The following BTN3A3 variants were observed in gnomAD, a reference collection of about 807,000 sequenced individuals.
BTN3A3 encodes the protein butyrophilin 3.
Under a neutral mutation model 43.2 loss-of-function variants are expected in BTN3A3, and 39 were observed. The observed-to-expected ratio is 0.90, with a 90% CI of 0.70 to 1.18. BTN3A3 has a LOEUF of 1.18. Among genes scored for constraint, BTN3A3 ranks in the 50% most tolerant of loss-of-function variants. BTN3A3 has a pLI of 0.00. For synonymous variants in BTN3A3, 255 were observed against 272.7 expected, an observed-to-expected ratio of 0.93 and a Z score of 0.64; for missense variants, 631 against 722.8, an observed-to-expected ratio of 0.87 and a Z score of 1.46.
In BTN3A3 at chr6:26,450,117, G is replaced by A; in HGVS notation, c.1002G>A (p.Met334Ile). 6.2e-7 allele frequency: 1 copy of A among 1,613,724 alleles called. No homozygotes were observed. Among genetic ancestry groups the A allele is most frequent in the East Asian group, 2.2e-5 (1 of 44,884 alleles). ...EKSLAYHEWK[M>I]ALFKPADVIL... Reference sequence around the variant, plus strand: ...TCTCCTTCCTTTCAGAATGGAAAATGGCCCTCTTCAAACCTGGTGAGTAAA... The same window carrying A: ...TCTCCTTCCTTTCAGAATGGAAAATAGCCCTCTTCAAACCTGGTGAGTAAA... Residue 334 changes from methionine (M) to isoleucine (I), a missense_variant, in exon 10 of 11, where the codon ATG becomes ATA. Physicochemically the swap from Met to Ile is conservative, Grantham distance 10. This residue lies in a region of BTN3A3 where 551 missense variants were observed against 584.0 expected (regional missense o/e 0.94). Transcript: ENST00000244519.
At position 26,452,104 on chromosome 6, in the gene BTN3A3, T is replaced by G; in HGVS notation, c.1448T>G (p.Ile483Ser). 1 of 1,614,166 alleles carries G rather than the reference T, an allele frequency of 6.2e-7. No individual in the cohort carries two copies. The highest frequency in any genetic ancestry group is 8.5e-7 in the Non-Finnish European group (1 of 1,180,038). Residue 483 changes from isoleucine to serine, a missense_variant, in exon 11 of 11, where the codon ATC becomes AGC. Physicochemically the swap from Ile to Ser is moderately radical, Grantham distance 142. Around this residue, in one of 2 missense-constraint regions of BTN3A3, gnomAD observed 551 missense variants for 584.0 expected, o/e 0.94. Transcript: ENST00000244519. ...SFYNATDGSH[I>S]YTFPHASFSE... is the part of the protein sequence containing the mutation. The stretch of plus-strand genomic sequence containing the variant: ...TATAATGCCACAGATGGATCTCATA[T>G]CTACACCTTTCCGCACGCCTCTTTC...
intron 8 of BTN3A3, 104 bp from the exon 9 acceptor site, chr6:26,449,558 G>T (rs1202549466): frequency 3.2e-6 from 4 of 1,235,098 alleles, no homozygotes; most frequent in Non-Finnish European, 4.7e-6. Flanking sequence ...AGGGAAGAGT[G>T]GAATGGTCAA....
At chr6:26,448,821 T>A (rs1210408638) in intron 8 of BTN3A3, 67 bp downstream of exon 8, 19 of 1,595,252 alleles carry the variant, frequency 1.2e-5, no homozygotes, top group Non-Finnish European at 1.6e-5. Context: ...GCTTGGAAAT[T>A]TTCCAGCCCA....
chr6:26,440,816 G>GCACA (rs1377321562), intron 1 of BTN3A3, 168 bp downstream of exon 1: 1 of 130,218 alleles, frequency 7.7e-6, no homozygotes, highest in African/African-American at 3.4e-5. Context: ...GTGTGTGTGT[G>GCACA]CGTGTGTGCG....
intron 1 of BTN3A3, among the ~76,000 whole-genome samples, chr6:26,440,940 G>A (rs1033395439): frequency 7.2e-5 from 11 of 152,178 alleles, no homozygotes; most frequent in Admixed American, 2.6e-4. Context: ...CATAAATGAA[G>A]AAATATTCCA....
intron 10 of BTN3A3, among the ~76,000 whole-genome samples, chr6:26,450,569 T>C (rs897955247): frequency 6.6e-6 from 1 of 152,198 alleles, no homozygotes; most frequent in Non-Finnish European, 1.5e-5. Context: ...CATTTTTAAA[T>C]GAAAATTGCA....
chr6:26,451,935 C>A lies in BTN3A3; in HGVS notation c.1279C>A (p.Pro427Thr), dbSNP rs113551647. The change falls in exon 11 of 11, where the codon CCG becomes ACG. Residue 427 changes from proline (P) to threonine (T), a missense_variant. Coordinates refer to ENST00000244519, the MANE Select transcript of BTN3A3 (RefSeq NM_006994.5). The part of the protein sequence containing the change: ...ERKKGWVKMT[P>T]ENGYWTMGLT... ...GAAAAAAGGTTGGGTCAAAATGACA[C>A]CGGAGAACGGATACTGGACTATGGG... 5.6e-5 allele frequency: 91 copies of A among 1,614,010 alleles called. No homozygotes were observed. In the African/African-American group the frequency reaches 8.4e-4, roughly 15 times the overall value.
At chr6:26,443,058 T>G (rs1292080348) in intron 1 of BTN3A3, among the ~76,000 whole-genome samples, 1 of 152,186 alleles carries the variant, frequency 6.6e-6, no homozygotes, top group Admixed American at 6.5e-5. Context: ...TTAAACGTGG[T>G]GGGTTCAGCC....
chr6:26,451,211 A>G (rs1762921117), intron 10 of BTN3A3, among the ~76,000 whole-genome samples: 1 of 152,160 alleles, frequency 6.6e-6, no homozygotes. Flanking sequence ...AGAGAGTCAT[A>G]TTTTTATCCC....
rs1245008358 is a variant in BTN3A3, at chr6:26,448,717, T to C, written c.938-11T>C. The stretch of plus-strand genomic sequence containing the variant: ...CACCTTGATAACCCTTCCCTATTCA[T>C]TCCATTGCAGAGTGGAGGAAAATCC... On this transcript the variant is annotated splice_polypyrimidine_tract_variant and intron_variant, in intron 7 of 10. Coordinates refer to ENST00000244519, the MANE Select transcript of BTN3A3 (RefSeq NM_006994.5). 6.2e-7 allele frequency: 1 copy of C among 1,614,014 alleles called. No homozygotes were observed. Among genetic ancestry groups the C allele is most frequent in the South Asian group, 1.1e-5 (1 of 91,078 alleles).
chr6:26,452,641 CCT>C lies in BTN3A3; in HGVS notation c.*232_*233del. On this transcript the variant is annotated 3_prime_UTR_variant, in exon 11 of 11. Coordinates refer to ENST00000244519, the MANE Select transcript of BTN3A3 (RefSeq NM_006994.5). Reference sequence around the variant, plus strand: ...CTTTGGTGGATGTCACTCCTTTAATCCTCACAACACCCTGTCGGGTAGTCATA... The same window carrying C: ...CTTTGGTGGATGTCACTCCTTTAATCCACAACACCCTGTCGGGTAGTCATA... 2.0e-6 allele frequency: 1 copy of C among 501,968 alleles called. No homozygotes were observed. Among genetic ancestry groups the C allele is most frequent in the Non-Finnish European group, 3.5e-6 (1 of 286,110 alleles). The allele number at this position is 501,968 out of a possible 1,614,324, so 31.1% of individuals were successfully genotyped here. A position where few individuals can be genotyped will look rare whatever the true frequency, so the allele number is the denominator to read the frequency against.
chr6:26,445,911 C>T lies in BTN3A3; in HGVS notation c.641C>T (p.Ser214Phe), dbSNP rs778825552. ...GCATCTGTGATCATGAGAGGCAGCT[C>T]TGGTGGGGGTGTATCCTGCATCATC... ...VAASVIMRGS[S>F]GGGVSCIIRN... The change falls in exon 5 of 11, where the codon TCT becomes TTT. Residue 214 changes from serine (S) to phenylalanine (F), a missense_variant. By Grantham distance (155) the Ser-to-Phe change is radical. Transcript: ENST00000244519. The T allele has an allele frequency of 1.9e-6, 3 of 1,614,184 alleles. No individual in the cohort carries two copies. Among genetic ancestry groups the T allele is most frequent in the South Asian group, 2.2e-5 (2 of 91,092 alleles).
chr6:26,445,456 G>A, intron 4 of BTN3A3: 1 of 508,700 alleles, frequency 2.0e-6, no homozygotes, highest in South Asian at 2.7e-5. Context: ...ATCTTTTTAT[G>A]TCTCCGGAAC....
chr6:26,444,635 GCTT>G (rs1270967911), intron 4 of BTN3A3: 1 of 462,402 alleles, frequency 2.2e-6, no homozygotes, highest in Non-Finnish European at 4.0e-6. Flanking sequence ...GTAACAGACG[GCTT>G]CTGTTGTGTC....
At chr6:26,443,936 G>T (rs754962796) in intron 3 of BTN3A3, 21 bp from the exon 4 acceptor site, 77 of 1,613,736 alleles carry the variant, frequency 4.8e-5, no homozygotes, top group Non-Finnish European at 4.4e-5. Context: ...CTCTGATGGA[G>T]CTTCCCCCTT....
At chr6:26,443,355 A>C in intron 1 of BTN3A3, 27 bp from the exon 2 acceptor site, 1 of 1,123,344 alleles carries the variant, frequency 8.9e-7, no homozygotes, top group Non-Finnish European at 1.2e-6. Context: ...AGATGTCCTG[A>C]TCAGATAACA....
At chr6:26,444,336 T>G in intron 4 of BTN3A3, 32 bp downstream of exon 4, 1 of 1,611,992 alleles carries the variant, frequency 6.2e-7, no homozygotes, top group Non-Finnish European at 8.5e-7. Flanking sequence ...TGAGAACACT[T>G]CTCTGTAGGA....
chr6:26,445,846 A>C lies in BTN3A3; in HGVS notation c.576A>C (p.Ala192=), dbSNP rs754846329. 1.2e-6 allele frequency: 2 copies of C among 1,614,170 alleles called. No homozygotes were observed. Among genetic ancestry groups the C allele is most frequent in the Non-Finnish European group, 1.7e-6 (2 of 1,180,030 alleles). The change falls in exon 5 of 11, where the codon GCA becomes GCC. Residue 192 remains alanine, a synonymous_variant. Transcript: ENST00000244519. ...GAGAGAACATCCCGGCTGTGGAAGC[A>C]CCTGTGGTTGCAGATGGAGTGGGCC... ...TKGENIPAVE[A]PVVADGVGLY...
At chr6:26,450,272 C>G in intron 10 of BTN3A3, 139 bp downstream of exon 10, 3 of 1,046,594 alleles carry the variant, frequency 2.9e-6, no homozygotes, top group Non-Finnish European at 4.2e-6. Context: ...AAATCCCAAT[C>G]TGAAAAGTGG....
Sources: gnomAD v4.1 joint callset for allele counts (sites outside exome capture counted in the v4.1 genomes callset) on GRCh38, gnomAD v4.1.1 for gene constraint, gnomAD v4.1.1 regional missense constraint, MANE v1.5 for transcripts, NCBI Gene and HGNC (gene_info 2026-07-23, HGNC 2026-07-21) for gene names.